The following DNAAF10 variants were observed in gnomAD, a reference collection of about 807,000 sequenced individuals.
The protein encoded by DNAAF10 is dynein axonemal assembly factor 10.
In DNAAF10, 28 loss-of-function variants were observed where a neutral mutation model predicts 43.7. The ratio of observed to expected loss-of-function variants is 0.64; its 90% CI spans 0.48 to 0.88. The LOEUF is 0.88. DNAAF10 is among the 40% of genes least tolerant of loss of function. DNAAF10 has a pLI of 0.00. For synonymous variants in DNAAF10, 156 were observed against 157.3 expected, an observed-to-expected ratio of 0.99 and a Z score of 0.06; for missense variants, 403 against 439.1, an observed-to-expected ratio of 0.92 and a Z score of 0.73.
Position 68,157,501 on chromosome 2 carries a change from C to A in DNAAF10, c.-58G>T. On this transcript the variant is annotated 5_prime_UTR_variant, in exon 1 of 8. Coordinates refer to ENST00000295121, the MANE Select transcript of DNAAF10 (RefSeq NM_138458.4). ...CACCCAGAGCCCCCAAAAACGGCAA[C>A]CTGGAAACCAGACTCCAAACATTGG... 6.2e-7 allele frequency: 1 copy of A among 1,611,528 alleles called. No homozygotes were observed. The highest frequency in any genetic ancestry group is 8.5e-7 in the Non-Finnish European group (1 of 1,177,626).
chr2:68,145,229 AAAAG>A (rs1019035455), intron 2 of DNAAF10, among the ~76,000 whole-genome samples: 1 of 151,958 alleles, frequency 6.6e-6, no homozygotes, highest in Admixed American at 6.6e-5. Context: ...GAAAAAAAAA[AAAAG>A]AAAGAAAAGG....
intron 4 of DNAAF10, among the ~76,000 whole-genome samples, chr2:68,141,189 T>A (rs1673169235): frequency 6.6e-6 from 1 of 152,210 alleles, no homozygotes. Context: ...TTATAAGAAA[T>A]AACTTTGTAA....
chr2:68,137,852 G>A (rs1394700447), intron 5 of DNAAF10, among the ~76,000 whole-genome samples: 1 of 144,562 alleles, frequency 6.9e-6, no homozygotes, highest in Non-Finnish European at 1.5e-5. Context: ...GGGCGACAGA[G>A]TGAGACTCTG....
rs879114176 is a variant in DNAAF10, at chr2:68,130,914, CTTT to C, written c.*321_*323del. The C allele has an allele frequency of 1.2e-3, 141 of 122,334 alleles. No homozygotes were observed. Among genetic ancestry groups the C allele is most frequent in the South Asian group, 4.2e-3 (23 of 5,468 alleles). The allele number at this position is 122,334 out of a possible 1,614,324, so 7.6% of individuals were successfully genotyped here. A position where few individuals can be genotyped will look rare whatever the true frequency, so the allele number is the denominator to read the frequency against. ...CTCTGGAAGGTTTCAAGTCCAAAGT[CTTT>C]TTTTTTTTTTTTTTTTTTGAGACAG... On this transcript the variant is annotated 3_prime_UTR_variant, in exon 8 of 8. Coordinates refer to ENST00000295121, the MANE Select transcript of DNAAF10 (RefSeq NM_138458.4).
Position 68,134,782 on chromosome 2 carries a change from C to A in DNAAF10, c.786G>T (p.Val262=). ...TCTGCGGCAGGTGTCGGACCTGCCACACAGTAGATTTATGAGCCTAAATAG... is the reference window on the plus strand; with the variant it reads ...TCTGCGGCAGGTGTCGGACCTGCCAAACAGTAGATTTATGAGCCTAAATAG... ...SVSEKAHKST[V]WQVRHLPQNR... The change falls in exon 7 of 8, where the codon GTG becomes GTT. Residue 262 remains valine, a synonymous_variant. Coordinates refer to ENST00000295121, the MANE Select transcript of DNAAF10 (RefSeq NM_138458.4). 6.2e-7 allele frequency: 1 copy of A among 1,613,236 alleles called. No homozygotes were observed. Among genetic ancestry groups the A allele is most frequent in the Non-Finnish European group, 8.5e-7 (1 of 1,179,828 alleles).
intron 1 of DNAAF10, among the ~76,000 whole-genome samples, chr2:68,149,890 G>A (rs1182501202): frequency 6.6e-6 from 1 of 152,182 alleles, no homozygotes; most frequent in East Asian, 1.9e-4. Flanking sequence ...AGAAGCTGGT[G>A]GTCCTCATGC....
chr2:68,141,059 T>C (rs567216248), intron 4 of DNAAF10, among the ~76,000 whole-genome samples: 15 of 152,264 alleles, frequency 9.9e-5, no homozygotes, highest in South Asian at 2.1e-4. Context: ...GGGATTACAA[T>C]TGGACATGAG....
intron 5 of DNAAF10, 26 bp downstream of exon 5, chr2:68,138,716 C>T: frequency 6.5e-7 from 1 of 1,546,658 alleles, no homozygotes; most frequent in Non-Finnish European, 8.9e-7. Context: ...CTCAGAGAAA[C>T]CAAAAAGCCT....
chr2:68,147,429 C>T, intron 2 of DNAAF10, 38 bp downstream of exon 2: 2 of 1,451,534 alleles, frequency 1.4e-6, no homozygotes, highest in South Asian at 2.4e-5. Context: ...AATAAATTGC[C>T]TATCTCATCT....
Position 68,138,643 on chromosome 2 carries a change from G to C in DNAAF10, c.633+99C>G, listed in dbSNP as rs1015504510. On this transcript the variant is annotated intron_variant, in intron 5 of 7. Coordinates refer to ENST00000295121, the MANE Select transcript of DNAAF10 (RefSeq NM_138458.4). ...GTTAAGAACCGTTGGCAGAGGGGTT[G>C]ACTCAGATGAGTTACTAGAGGTGTT... The C allele has an allele frequency of 3.6e-6, 3 of 831,754 alleles. No individual in the cohort carries two copies. The African/African-American group carries it at 5.1e-5, about 14-fold the overall frequency. The allele number at this position is 831,754 out of a possible 1,614,324, so 51.5% of individuals were successfully genotyped here.
rs1361663272 is a variant in DNAAF10, at chr2:68,144,631, T to G, written c.369A>C (p.Leu123=). The G allele has an allele frequency of 6.2e-7, 1 of 1,614,000 alleles. No individual in the cohort carries two copies. The highest frequency in any genetic ancestry group is 1.7e-5 in the Admixed American group (1 of 59,986). ...IINAIDGIGG[L]GIGEGAPEIV... is the part of the protein sequence containing the mutation. The stretch of plus-strand genomic sequence containing the variant: ...TTTCAGGTGCTCCTTCTCCAATTCC[T>G]AGTCCACCTATGCCATCTATGGCAT... The change falls in exon 3 of 8, where the codon CTA becomes CTC. Residue 123 remains leucine (L), a synonymous_variant. Transcript: ENST00000295121.
At chr2:68,153,857 T>C (rs561562395) in intron 1 of DNAAF10, among the ~76,000 whole-genome samples, 183 of 150,668 alleles carry the variant, frequency 1.2e-3, no homozygotes, top group African/African-American at 4.4e-3. Context: ...GTTCAAGTGA[T>C]TCTCGTGCCT....
At chr2:68,138,884 A>T (rs1256970816) in intron 4 of DNAAF10, 27 bp from the exon 5 acceptor site, 9 of 1,490,430 alleles carry the variant, frequency 6.0e-6, no homozygotes, top group Non-Finnish European at 8.4e-6. Flanking sequence ...AACATTTCAC[A>T]TCCTTATAAA....
rs747892194 is a variant in DNAAF10, at chr2:68,144,767, A to G, written c.285-52T>C. 21 of 1,552,574 alleles carry G rather than the reference A, an allele frequency of 1.4e-5. No individual in the cohort carries two copies. The South Asian group carries it at 1.5e-4, about 11-fold the overall frequency. Reference sequence around the variant, plus strand: ...CCACATATCCCAAACATATAAGTCTACTACTGAAATTCAAAAAGATATATT... The same window carrying G: ...CCACATATCCCAAACATATAAGTCTGCTACTGAAATTCAAAAAGATATATT... On this transcript the variant is annotated intron_variant, in intron 2 of 7. Transcript: ENST00000295121.
In DNAAF10 at chr2:68,157,512, G is replaced by C. The variant is rs753884202; in HGVS notation, c.-69C>G. 3.1e-6 allele frequency: 5 copies of C among 1,603,478 alleles called. No individual in the cohort carries two copies. The highest frequency in any genetic ancestry group is 1.3e-5 in the African/African-American group (1 of 74,692). Reference sequence around the variant, plus strand: ...CCCAAAAACGGCAACCTGGAAACCAGACTCCAAACATTGGCAATTTGTCCC... The same window carrying C: ...CCCAAAAACGGCAACCTGGAAACCACACTCCAAACATTGGCAATTTGTCCC... On this transcript the variant is annotated 5_prime_UTR_variant, in exon 1 of 8. Coordinates refer to ENST00000295121, the MANE Select transcript of DNAAF10 (RefSeq NM_138458.4).
chr2:68,138,505 A>T (rs1295265749), intron 5 of DNAAF10, among the ~76,000 whole-genome samples: 2 of 152,190 alleles, frequency 1.3e-5, no homozygotes, highest in Admixed American at 1.3e-4. Flanking sequence ...GACAGGCTGA[A>T]GGGGCTGGTG....
intron 1 of DNAAF10, among the ~76,000 whole-genome samples, chr2:68,156,012 T>TGGGAGGCTGAGGTG (rs1673594161): frequency 6.7e-6 from 1 of 148,414 alleles, no homozygotes. Context: ...CCCAGCTACT[T>TGGGAGGCTGAGGTG]GGGAGGCTGA....
chr2:68,148,888 C>T (rs1051704873), intron 1 of DNAAF10, among the ~76,000 whole-genome samples: 2 of 152,328 alleles, frequency 1.3e-5, no homozygotes, highest in African/African-American at 2.4e-5. Flanking sequence ...AGGCCTTCTA[C>T]GCATTTACAA....
chr2:68,145,159 A>T (rs1387690300), intron 2 of DNAAF10, among the ~76,000 whole-genome samples: 1 of 151,882 alleles, frequency 6.6e-6, no homozygotes, highest in Non-Finnish European at 1.5e-5. Flanking sequence ...TCAAGGCTGC[A>T]GTGAGCTGAG....
Sources: allele counts gnomAD v4.1 joint callset (sites outside exome capture counted in the v4.1 genomes callset), GRCh38; gene constraint gnomAD v4.1.1; transcripts MANE v1.5; gene names NCBI Gene and HGNC (gene_info 2026-07-23, HGNC 2026-07-21).